Variants in CRYBG1 observed in about 807,000 individuals in gnomAD.
The protein encoded by CRYBG1 is crystallin beta-gamma domain containing 1, also known as beta/gamma crystallin domain-containing protein 1.
CRYBG1 carries 139 observed loss-of-function variants against 189.2 expected under a neutral mutation model. The observed-to-expected ratio is 0.73, with a 90% CI of 0.64 to 0.85. The LOEUF (loss-of-function observed/expected upper bound fraction) is 0.85. Ranked by LOEUF, CRYBG1 falls within the 40% of genes least tolerant of loss-of-function variation. The pLI, the probability that CRYBG1 is intolerant of heterozygous loss-of-function variation, is 0.00. For missense variants in CRYBG1, 2,611 were observed against 2,675.8 expected, an observed-to-expected ratio of 0.98 and a Z score of 0.53; for synonymous variants, 1,023 against 1,017.1, an observed-to-expected ratio of 1.01 and a Z score of -0.11.
chr6:106,486,921 T>C (rs1361201477), intron 2 of CRYBG1, among the ~76,000 whole-genome samples: 1 of 152,202 alleles, frequency 6.6e-6, no homozygotes, highest in Non-Finnish European at 1.5e-5. Context: ...TTGTTATTGA[T>C]AGGTAAGGAC....
intron 1 of CRYBG1, among the ~76,000 whole-genome samples, chr6:106,388,347 C>A (rs2749084): frequency 0.45 from 68,038 of 151,836 alleles, 16,014 homozygotes; most frequent in East Asian, 0.67. Flanking sequence ...GCACTTATTT[C>A]ATAAATTTAA....
At position 106,415,187 on chromosome 6, in the gene CRYBG1, T is replaced by A. The variant is rs1022889568; in HGVS notation, c.174-36507T>A. On this transcript the variant is annotated intron_variant, in intron 1 of 21. Transcript: ENST00000633556. ...ATTTCAGCTTCTTACTCGAATAAAATAATATGTTTCTCATGAAGATACATG... is the reference window on the plus strand; with the variant it reads ...ATTTCAGCTTCTTACTCGAATAAAAAAATATGTTTCTCATGAAGATACATG... 4.6e-5 allele frequency among the ~76,000 whole-genome samples: 7 copies of A among 152,316 alleles called. No individual in the cohort carries two copies. In the East Asian group the frequency reaches 1.2e-3, roughly 25 times the overall value.
At chr6:106,531,125 G>A (rs1285562211) in intron 8 of CRYBG1, among the ~76,000 whole-genome samples, 1 of 152,196 alleles carries the variant, frequency 6.6e-6, no homozygotes, top group Admixed American at 6.5e-5. Flanking sequence ...GTGGTATGGA[G>A]TATCTCTGCA....
intron 1 of CRYBG1, among the ~76,000 whole-genome samples, chr6:106,366,732 A>C (rs1004752009): frequency 6.6e-6 from 1 of 152,202 alleles, no homozygotes; most frequent in South Asian, 2.1e-4. Context: ...GATGTTATCT[A>C]TGTAAAGCAC....
intron 1 of CRYBG1, 114 bp downstream of exon 1, chr6:106,361,195 G>T: frequency 7.8e-7 from 1 of 1,284,614 alleles, no homozygotes; most frequent in Non-Finnish European, 1.0e-6. Flanking sequence ...CCCGGGGTCT[G>T]TTTCAGTCCG....
In CRYBG1 at chr6:106,496,038, G is replaced by A. The variant is rs187373367; in HGVS notation, c.313-15392G>A. ...AAATGTGTTCCCAGTGGGTGTTGAC[G>A]GCCTTCTGCCCTCATCAGCCTGTCC... is the stretch of plus-strand genomic sequence containing the variant. On this transcript the variant is annotated intron_variant, in intron 2 of 21. Coordinates refer to ENST00000633556, the MANE Select transcript of CRYBG1 (RefSeq NM_001371242.2). 1.2e-4 allele frequency among the ~76,000 whole-genome samples: 18 copies of A among 152,098 alleles called. No individual in the cohort carries two copies. The East Asian group carries it at 2.9e-3, about 25-fold the overall frequency.
chr6:106,399,608 A>G (rs74920389), intron 1 of CRYBG1, among the ~76,000 whole-genome samples: 12,012 of 151,496 alleles, frequency 0.079, 632 homozygotes, highest in East Asian at 0.15. Context: ...TTTCTGTGTG[A>G]TAACTTCAGT....
intron 2 of CRYBG1, among the ~76,000 whole-genome samples, chr6:106,480,446 C>T (rs1170444097): frequency 6.6e-6 from 1 of 150,502 alleles, no homozygotes; most frequent in East Asian, 1.9e-4. Context: ...AGGCAGATCA[C>T]GACGTCAGGA....
At chr6:106,519,051 T>C (rs1773515588) in intron 3 of CRYBG1, 80 bp from the exon 4 acceptor site, 1 of 1,456,166 alleles carries the variant, frequency 6.9e-7, no homozygotes, top group Non-Finnish European at 9.2e-7. Flanking sequence ...TGGCTTTTCA[T>C]AGTTTTATAA....
intron 1 of CRYBG1, among the ~76,000 whole-genome samples, chr6:106,416,100 T>G (rs994197175): frequency 6.6e-6 from 1 of 152,120 alleles, no homozygotes; most frequent in Non-Finnish European, 1.5e-5. Context: ...TGCTGCCCCC[T>G]TTCTTGGCCC....
chr6:106,549,972 C>CA (rs1478614352), intron 13 of CRYBG1, among the ~76,000 whole-genome samples: 1 of 152,140 alleles, frequency 6.6e-6, no homozygotes, highest in African/African-American at 2.4e-5. Context: ...CAGGTTGGGT[C>CA]ACAAAGCAAG....
At chr6:106,508,936 A>AAAAAAT (rs1773187637) in intron 2 of CRYBG1, among the ~76,000 whole-genome samples, 1 of 149,384 alleles carries the variant, frequency 6.7e-6, no homozygotes, top group Non-Finnish European at 1.5e-5. Flanking sequence ...AAAAAAAAAA[A>AAAAAAT]TTGTTTTAAT....
chr6:106,515,760 TA>T (rs1773403681), intron 3 of CRYBG1, among the ~76,000 whole-genome samples: 1 of 61,184 alleles, frequency 1.6e-5, no homozygotes, highest in South Asian at 4.9e-4. Flanking sequence ...AGATCAAATT[TA>T]TTTATTTATT....
chr6:106,374,806 A>G (rs1191810880), intron 1 of CRYBG1, among the ~76,000 whole-genome samples: 1 of 152,228 alleles, frequency 6.6e-6, no homozygotes, highest in Non-Finnish European at 1.5e-5. Flanking sequence ...ATATACACAT[A>G]CATACATTCT....
chr6:106,446,433 G>T (rs1165298066), intron 1 of CRYBG1, among the ~76,000 whole-genome samples: 1 of 152,154 alleles, frequency 6.6e-6, no homozygotes, highest in Non-Finnish European at 1.5e-5. Context: ...CAACTCTGAG[G>T]CTCAGTTGAA....
chr6:106,491,053 A>G (rs967981806), intron 2 of CRYBG1, among the ~76,000 whole-genome samples: 1 of 152,248 alleles, frequency 6.6e-6, no homozygotes, highest in East Asian at 1.9e-4. Context: ...ACAAAACTAC[A>G]GGCTTGCTAT....
rs762472106 is a variant in CRYBG1, at chr6:106,521,059, C to T, written c.3851C>T (p.Ser1284Leu). The change falls in exon 4 of 22, where the codon TCA (serine) becomes TTA (leucine). Residue 1284 changes from serine to leucine, a missense_variant. Physicochemically the swap from Ser to Leu is moderately radical, Grantham distance 145. This residue lies in a region of CRYBG1 where 1,622 missense variants were observed against 1,735.0 expected (regional missense o/e 0.93). Coordinates refer to ENST00000633556, the MANE Select transcript of CRYBG1 (RefSeq NM_001371242.2). Reference protein sequence around the residue: ...QNGSLSQSSVSQPTTEGAPPC... With the variant: ...QNGSLSQSSVLQPTTEGAPPC... Reference sequence around the variant, plus strand: ...GGTTCCCTATCTCAGTCTTCAGTGTCACAGCCCACGACTGAGGGTGCCCCG... The same window carrying T: ...GGTTCCCTATCTCAGTCTTCAGTGTTACAGCCCACGACTGAGGGTGCCCCG... 1 of 1,614,202 alleles carries T rather than the reference C, an allele frequency of 6.2e-7. No homozygotes were observed. The highest frequency in any genetic ancestry group is 2.2e-5 in the East Asian group (1 of 44,894).
At chr6:106,464,839 A>G (rs977089547) in intron 2 of CRYBG1, among the ~76,000 whole-genome samples, 16 of 152,242 alleles carry the variant, frequency 1.1e-4, no homozygotes, top group African/African-American at 3.9e-4. Context: ...ACCAAAATAT[A>G]TATGTTAATT....
intron 1 of CRYBG1, among the ~76,000 whole-genome samples, chr6:106,405,422 A>G (rs1015111967): frequency 6.6e-6 from 1 of 152,238 alleles, no homozygotes; most frequent in African/African-American, 2.4e-5. Context: ...TCCCTGGGAC[A>G]GAGCACTTGG....
Sources: gnomAD v4.1 joint callset for allele counts (sites outside exome capture counted in the v4.1 genomes callset) on GRCh38, gnomAD v4.1.1 for gene constraint, gnomAD v4.1.1 regional missense constraint, MANE v1.5 for transcripts, NCBI Gene and HGNC (gene_info 2026-07-23, HGNC 2026-07-21) for gene names.